CRBN: variants seen among roughly 807,000 people sequenced by gnomAD.
CRBN encodes protein cereblon.
In CRBN, 53 loss-of-function variants were observed where a neutral mutation model predicts 62.2. The observed-to-expected ratio is 0.85, with a 90% confidence interval of 0.68 to 1.07. The LOEUF is 1.07. Ranked by LOEUF, CRBN falls within the 50% of genes least tolerant of loss-of-function variation. CRBN has a pLI of 0.00. For synonymous variants in CRBN, 208 were observed against 176.1 expected, an observed-to-expected ratio of 1.18 and a Z score of -1.43; for missense variants, 616 against 531.1, an observed-to-expected ratio of 1.16 and a Z score of -1.57.
In CRBN at chr3:3,154,778, T is replaced by C. The variant is rs548391020; in HGVS notation, c.804A>G (p.Leu268=). 1.2e-6 allele frequency: 2 copies of C among 1,605,982 alleles called. No homozygotes were observed. Among genetic ancestry groups the C allele is most frequent in the South Asian group, 1.1e-5 (1 of 90,924 alleles). The change falls in exon 7 of 11, where the codon CTA becomes CTG. Residue 268 remains leucine, a synonymous_variant. Transcript: ENST00000231948. Reference sequence around the variant, plus strand: ...GATTTGAAGGAAGAGAATCATCTTTTAGATTTTCATCCCATTCACGTAGCT... The same window carrying C: ...GATTTGAAGGAAGAGAATCATCTTTCAGATTTTCATCCCATTCACGTAGCT... ...KKQLREWDEN[L]KDDSLPSNPI... is the part of the protein sequence containing the mutation.
chr3:3,154,514 T>G, intron 7 of CRBN: 2 of 538,652 alleles, frequency 3.7e-6, no homozygotes, highest in East Asian at 3.3e-5. Flanking sequence ...ATTTGAACTT[T>G]TTATGGAAAA....
chr3:3,154,528 G>C, intron 7 of CRBN: 1 of 547,460 alleles, frequency 1.8e-6, no homozygotes, highest in Non-Finnish European at 3.2e-6. Context: ...TGGAAAACTT[G>C]TCTAAAATTG....
intron 5 of CRBN, among the ~76,000 whole-genome samples, chr3:3,162,643 T>A (rs1445684305): frequency 6.6e-6 from 1 of 152,192 alleles, no homozygotes; most frequent in African/African-American, 2.4e-5. Context: ...AAATGCTGTG[T>A]GCAGTTTCAA....
At chr3:3,157,152 CAA>C (rs993632105) in intron 5 of CRBN, among the ~76,000 whole-genome samples, 41 of 149,552 alleles carry the variant, frequency 2.7e-4, no homozygotes, top group African/African-American at 1.0e-3. Context: ...CTATAGGACA[CAA>C]AAATATTACT....
intron 9 of CRBN, 48 bp from the exon 10 acceptor site, chr3:3,152,635 A>G (rs1399432085): frequency 6.2e-6 from 10 of 1,608,484 alleles, no homozygotes; most frequent in East Asian, 2.2e-5. Context: ...GAGAAGTCTA[A>G]TTTTATTAAA....
chr3:3,154,660 G>C, intron 7 of CRBN, 87 bp downstream of exon 7: 1 of 782,278 alleles, frequency 1.3e-6, no homozygotes, highest in Non-Finnish European at 2.3e-6. Flanking sequence ...TTAAAACCTA[G>C]AAGATATGAT....
Position 3,179,655 on chromosome 3 carries a change from C to A in CRBN, c.33G>T (p.Ala11=), listed in dbSNP as rs1163192164. 3.7e-6 allele frequency: 6 copies of A among 1,613,046 alleles called. No individual in the cohort carries two copies. The highest frequency in any genetic ancestry group is 5.1e-6 in the Non-Finnish European group (6 of 1,179,616). MAGEGDQQDA[A]HNMGNHLPLL... ...GCGGCAGGTGGTTGCCCATGTTGTG[C>A]GCAGCGTCCTGCTGATCTCCTTCGC... is the stretch of plus-strand genomic sequence containing the variant. The change falls in exon 1 of 11, where the codon GCG becomes GCT. Residue 11 remains alanine, a synonymous_variant. Transcript: ENST00000231948.
downstream of CRBN, chr3:3,149,653 T>TAA (rs1217033250): frequency 6.7e-6 from 1 of 148,772 alleles, no homozygotes; most frequent in African/African-American, 2.4e-5. Flanking sequence ...CCAAAATTAT[T>TAA]AAAGTAGTAA....
At chr3:3,174,298 G>T in intron 2 of CRBN, 37 bp from the exon 3 acceptor site, 3 of 1,467,874 alleles carry the variant, frequency 2.0e-6, no homozygotes, top group Non-Finnish European at 2.9e-6. Context: ...TGTCATGATC[G>T]ATATGTAATA....
chr3:3,174,771 A>G (rs573987794), intron 2 of CRBN, among the ~76,000 whole-genome samples: 2 of 152,388 alleles, frequency 1.3e-5, no homozygotes. Context: ...TCTTTTATGA[A>G]TATATCACAA....
chr3:3,169,071 T>A (rs538902838), intron 4 of CRBN, among the ~76,000 whole-genome samples: 11 of 152,312 alleles, frequency 7.2e-5, no homozygotes, highest in African/African-American at 2.6e-4. Flanking sequence ...GGTAACTGAA[T>A]TAAGAACTAT....
chr3:3,170,397 A>G (rs756271332), intron 4 of CRBN, among the ~76,000 whole-genome samples: 9 of 152,238 alleles, frequency 5.9e-5, no homozygotes, highest in Admixed American at 1.3e-4. Context: ...TGAATATTAA[A>G]TATTTTACTG....
intron 6 of CRBN, chr3:3,155,998 T>C (rs1706875438): frequency 5.9e-6 from 3 of 508,092 alleles, no homozygotes; most frequent in African/African-American, 1.9e-5. Flanking sequence ...GAGATGGGGT[T>C]TCACCATGTT....
At chr3:3,161,966 G>A (rs1320104378) in intron 5 of CRBN, among the ~76,000 whole-genome samples, 2 of 152,144 alleles carry the variant, frequency 1.3e-5, no homozygotes, top group Non-Finnish European at 2.9e-5. Flanking sequence ...TTCTGTATAA[G>A]AAAGAAATAA....
At chr3:3,173,171 C>T (rs1373624077) in intron 3 of CRBN, among the ~76,000 whole-genome samples, 1 of 152,132 alleles carries the variant, frequency 6.6e-6, no homozygotes, top group Non-Finnish European at 1.5e-5. Context: ...GATTCTCCTG[C>T]CCCAGCTGCC....
At position 3,159,334 on chromosome 3, in the gene CRBN, A is replaced by G. The variant is rs188993797; in HGVS notation, c.688-3053T>C. On this transcript the variant is annotated intron_variant, in intron 5 of 10. Transcript: ENST00000231948. ...ATATTCTTAGAATTACAAAATGACA[A>G]AGACCCAACTGAAAGTTTTAGTTTC... 1.6e-4 allele frequency among the ~76,000 whole-genome samples: 25 copies of G among 152,074 alleles called. No individual in the cohort carries two copies. In the East Asian group the frequency reaches 3.9e-3, roughly 24 times the overall value.
At chr3:3,173,126 C>T (rs1184926736) in intron 3 of CRBN, among the ~76,000 whole-genome samples, 14 of 152,120 alleles carry the variant, frequency 9.2e-5, no homozygotes, top group East Asian at 5.8e-4. Flanking sequence ...GGCATGAGCT[C>T]GGCTTGCTGC....
chr3:3,149,878 A>AGTT (rs571008552), downstream of CRBN: 285 of 152,226 alleles, frequency 1.9e-3, 2 homozygotes, highest in African/African-American at 6.4e-3. Context: ...ATAAAACGAA[A>AGTT]GTTATCATAC....
chr3:3,173,218 T>G (rs530892245), intron 3 of CRBN, among the ~76,000 whole-genome samples: 129 of 152,108 alleles, frequency 8.5e-4, no homozygotes, highest in Non-Finnish European at 1.5e-3. Context: ...CCACCACGCC[T>G]GGCTAATTTT....
Sources: allele counts gnomAD v4.1 joint callset (sites outside exome capture counted in the v4.1 genomes callset), GRCh38; gene constraint gnomAD v4.1.1; transcripts MANE v1.5; gene names NCBI Gene and HGNC (gene_info 2026-07-23, HGNC 2026-07-21).